Variants in DCC observed in about 807,000 individuals in gnomAD.
DCC encodes netrin receptor DCC.
In DCC, 58 loss-of-function variants were observed where a neutral mutation model predicts 172.5. The ratio of observed to expected loss-of-function variants is 0.34; its 90% CI spans 0.27 to 0.42. The LOEUF (loss-of-function observed/expected upper bound fraction) is 0.42, where lower values mean the gene tolerates loss of function less well. Among genes scored for constraint, DCC ranks in the 10% least tolerant of loss-of-function variants. The probability of loss-of-function intolerance (pLI) is 1.00; values close to 1 mark genes in which losing one functional copy is unlikely to be tolerated. For missense variants in DCC, 1,740 were observed against 1,791.0 expected, an observed-to-expected ratio of 0.97 and a Z score of 0.51; for synonymous variants, 709 against 644.5, an observed-to-expected ratio of 1.10 and a Z score of -1.52.
chr18:53,499,271 G>A (rs770580877), intron 26 of DCC, 27 bp from the exon 27 acceptor site: 3 of 1,611,988 alleles, frequency 1.9e-6, no homozygotes, highest in East Asian at 4.5e-5. Context: ...CAGGAATAAT[G>A]AATGACTTTT....
intron 7 of DCC, among the ~76,000 whole-genome samples, chr18:53,108,491 G>T (rs1420051924): frequency 2.0e-5 from 3 of 151,658 alleles, no homozygotes; most frequent in Non-Finnish European, 4.4e-5. Context: ...TTTCTAGTTT[G>T]AACTTTTAAA....
chr18:52,348,443 C>T (rs914124039), intron 1 of DCC, among the ~76,000 whole-genome samples: 10 of 152,176 alleles, frequency 6.6e-5, no homozygotes, highest in African/African-American at 2.4e-4. Flanking sequence ...GGCCTCTTTG[C>T]TTCATGCCTC....
At chr18:53,511,241 G>C (rs920477792) in intron 27 of DCC, among the ~76,000 whole-genome samples, 13 of 152,184 alleles carry the variant, frequency 8.5e-5, no homozygotes, top group African/African-American at 2.9e-4. Flanking sequence ...ATAACCAGAT[G>C]GGAATCAAGG....
At chr18:52,884,574 T>G (rs546501791) in intron 2 of DCC, among the ~76,000 whole-genome samples, 48 of 152,338 alleles carry the variant, frequency 3.2e-4, no homozygotes, top group Non-Finnish European at 6.3e-4. Context: ...TTGTGAAATT[T>G]CTGATAGAAT....
intron 12 of DCC, among the ~76,000 whole-genome samples, chr18:53,296,185 C>A (rs1056736808): frequency 6.6e-6 from 1 of 151,064 alleles, no homozygotes; most frequent in African/African-American, 2.4e-5. Context: ...CGTGGTCTTG[C>A]TTCCTTCCTT....
chr18:52,350,745 A>T (rs950321805), intron 1 of DCC, among the ~76,000 whole-genome samples: 1 of 152,170 alleles, frequency 6.6e-6, no homozygotes. Context: ...CCCTAAATTG[A>T]TTGGACCAAA....
At chr18:52,784,292 A>G (rs2037610737) in intron 2 of DCC, among the ~76,000 whole-genome samples, 1 of 152,084 alleles carries the variant, frequency 6.6e-6, no homozygotes, top group Non-Finnish European at 1.5e-5. Flanking sequence ...TTGTATTTTT[A>G]TACCACATTT....
intron 7 of DCC, among the ~76,000 whole-genome samples, chr18:53,115,456 C>T (rs1201813187): frequency 6.6e-6 from 1 of 151,228 alleles, no homozygotes; most frequent in Admixed American, 6.6e-5. Context: ...AGTATAGAAA[C>T]TAGTAGTGAC....
In DCC at chr18:52,678,966, A is replaced by G. The variant is rs576467797; in HGVS notation, c.92-73088A>G. Among the ~76,000 whole-genome samples the G allele has an allele frequency of 1.1e-4, 17 of 152,014 alleles. 1 individual carries two copies. The South Asian group carries it at 3.5e-3, about 32-fold the overall frequency. On this transcript the variant is annotated intron_variant, in intron 1 of 28. Coordinates refer to ENST00000442544, the MANE Select transcript of DCC (RefSeq NM_005215.4). ...GTAACCTCCTCACTTCCACACTTCA[A>G]CTTTTGCTGTTACCTGCTTGATTGC...
intron 1 of DCC, among the ~76,000 whole-genome samples, chr18:52,572,034 T>G (rs940962058): frequency 6.6e-6 from 1 of 152,172 alleles, no homozygotes; most frequent in African/African-American, 2.4e-5. Context: ...ACAATATGAC[T>G]GAAGATAATA....
At chr18:53,117,025 G>A (rs1191541760) in intron 7 of DCC, among the ~76,000 whole-genome samples, 1 of 151,636 alleles carries the variant, frequency 6.6e-6, no homozygotes, top group Non-Finnish European at 1.5e-5. Context: ...TAGATGGAAA[G>A]TTATAATCAA....
At chr18:52,482,179 C>T (rs1568190694) in intron 1 of DCC, among the ~76,000 whole-genome samples, 1 of 152,142 alleles carries the variant, frequency 6.6e-6, no homozygotes, top group African/African-American at 2.4e-5. Flanking sequence ...ACTTCCACCC[C>T]TAATCCTCCT....
At chr18:53,074,713 G>T (rs535173253) in intron 7 of DCC, among the ~76,000 whole-genome samples, 1 of 152,004 alleles carries the variant, frequency 6.6e-6, no homozygotes, top group Non-Finnish European at 1.5e-5. Context: ...ATCTAAGTTT[G>T]GCATAAAGCA....
intron 2 of DCC, among the ~76,000 whole-genome samples, chr18:52,842,420 C>T (rs984270606): frequency 1.3e-5 from 2 of 152,160 alleles, no homozygotes; most frequent in Non-Finnish European, 2.9e-5. Flanking sequence ...GATGTACCAA[C>T]TTGTCAGTCA....
At chr18:52,527,238 TC>T (rs776272878) in intron 1 of DCC, among the ~76,000 whole-genome samples, 3 of 152,256 alleles carry the variant, frequency 2.0e-5, no homozygotes, top group Non-Finnish European at 2.9e-5. Flanking sequence ...CTTCTTTTTT[TC>T]AATTATGCAG....
chr18:52,879,412 C>CTTGTTTTTTTTTT (rs2039448378), intron 2 of DCC, among the ~76,000 whole-genome samples: 1 of 62,356 alleles, frequency 1.6e-5, no homozygotes, highest in Non-Finnish European at 2.9e-5. Flanking sequence ...TGTTGTTTGG[C>CTTGTTTTTTTTTT]TTTTTTTTTT....
rs1402783588 is a variant in DCC, at chr18:53,091,843, CTATCTATCAATCTATCTATATATATATA to C, written c.1261+25681_1261+25708del. Among the ~76,000 whole-genome samples, 5 of 64,192 alleles carry C rather than the reference CTATCTATCAATCTATCTATATATATATA, an allele frequency of 7.8e-5. No individual in the cohort carries two copies. The East Asian group carries it at 6.9e-3, about 89-fold the overall frequency. 42.1% of individuals were successfully genotyped at this position (64,192 alleles called of 152,430 possible). ...TCTATCTATCTATCTATCTATCTAT[CTATCTATCAATCTATCTATATATATATA>C]TATATCTACATAAATATGTCTTTAA... On this transcript the variant is annotated intron_variant, in intron 7 of 28. Transcript: ENST00000442544.
intron 1 of DCC, among the ~76,000 whole-genome samples, chr18:52,513,918 G>T (rs1204307559): frequency 6.6e-6 from 1 of 152,152 alleles, no homozygotes; most frequent in Admixed American, 6.5e-5. Flanking sequence ...ATTCCATCAT[G>T]CCATTTTTCC....
At position 53,126,285 on chromosome 18, in the gene DCC, T is replaced by G. The variant is rs1345063796; in HGVS notation, c.1262-31071T>G. Among the ~76,000 whole-genome samples the G allele has an allele frequency of 2.0e-5, 3 of 152,262 alleles. No homozygotes were observed. In the East Asian group the frequency reaches 5.8e-4, roughly 29 times the overall value. On this transcript the variant is annotated intron_variant, in intron 7 of 28. Coordinates refer to ENST00000442544, the MANE Select transcript of DCC (RefSeq NM_005215.4). ...TGGCTTTCACCCCTGGGATACTATT[T>G]GTGCCTAGGATTTTTGAGAAGGTAG...
Sources: allele counts gnomAD v4.1 joint callset (sites outside exome capture counted in the v4.1 genomes callset), GRCh38; gene constraint gnomAD v4.1.1; transcripts MANE v1.5; gene names NCBI Gene and HGNC (gene_info 2026-07-23, HGNC 2026-07-21).